SAMSN1: variants seen among roughly 807,000 people sequenced by gnomAD.
SAMSN1 encodes SAM domain-containing protein SAMSN-1.
SAMSN1 carries 31 observed loss-of-function variants against 42.0 expected under a neutral mutation model. The ratio of observed to expected loss-of-function variants is 0.74; its 90% CI spans 0.55 to 1.00. The LOEUF (loss-of-function observed/expected upper bound fraction) is 1.00. Ranked by LOEUF, SAMSN1 falls within the 50% of genes least tolerant of loss-of-function variation. The pLI, the probability that SAMSN1 is intolerant of heterozygous loss-of-function variation, is 0.00. For synonymous variants in SAMSN1, 178 were observed against 151.9 expected (o/e 1.17, Z -1.26); for missense variants, 464 against 439.4 (o/e 1.06, Z -0.50).
chr21:14,530,081 C>A (rs1979145773), intron 1 of SAMSN1, among the ~76,000 whole-genome samples: 1 of 152,084 alleles, frequency 6.6e-6, no homozygotes, highest in South Asian at 2.1e-4. Flanking sequence ...CTTTGGGAGG[C>A]CAAGGCAGGC....
exon 2 of SAMSN1, chr21:14,582,451 T>A (rs1981770540): frequency 6.8e-7 from 1 of 1,481,024 alleles, no homozygotes; most frequent in Non-Finnish European, 9.2e-7. Flanking sequence ...GGGACTTGGT[T>A]AATTTCAAAC....
chr21:14,593,233 T>C (rs1982145047), intron 7 of SAMSN1, among the ~76,000 whole-genome samples: 1 of 152,166 alleles, frequency 6.6e-6, no homozygotes, highest in South Asian at 2.1e-4. Context: ...AAACATGATT[T>C]ACTAAGAGTA....
rs199621768 is a variant in SAMSN1, at chr21:14,521,215, T to C, written c.64A>G (p.Ser22Gly). 2.5e-6 allele frequency: 4 copies of C among 1,609,632 alleles called. No individual in the cohort carries two copies. In the African/African-American group the frequency reaches 5.3e-5, roughly 21 times the overall value. The change falls in exon 2 of 8, where the codon AGC (serine) becomes GGC (glycine). Residue 22 changes from serine to glycine, a missense_variant. Coordinates refer to ENST00000400566, the MANE Select transcript of SAMSN1 (RefSeq NM_022136.5). ...AAACGATCGAAATTCCCAAAACTGC[T>C]GCTTCGCTATAAAATAGAAAAGAAA... ...KEKHQKPKRS[S>G]SFGNFDRFRN... is the part of the protein sequence containing the mutation.
chr21:14,629,709 T>C (rs1983276884), intron 2 of SAMSN1, among the ~76,000 whole-genome samples: 1 of 152,132 alleles, frequency 6.6e-6, no homozygotes, highest in Non-Finnish European at 1.5e-5. Flanking sequence ...AGAGGGCTGG[T>C]AAATTGCACG....
Position 14,639,861 on chromosome 21 carries a change from C to T in SAMSN1, c.156+3141G>A, listed in dbSNP as rs1234055895. 3.9e-5 allele frequency among the ~76,000 whole-genome samples: 6 copies of T among 152,024 alleles called. No individual in the cohort carries two copies. The East Asian group carries it at 1.2e-3, about 29-fold the overall frequency. ...TCCTAATATACTGCAAGTGGATCAC[C>T]TATTATTTCTCTTTTAAACATTTAA... is the stretch of plus-strand genomic sequence containing the variant. On this transcript the variant is annotated intron_variant, in intron 2 of 15. Coordinates refer to the SAMSN1 transcript ENST00000647101.
intron 1 of SAMSN1, chr21:14,523,466 A>G (rs575619136): frequency 6.6e-6 from 1 of 152,294 alleles, no homozygotes; most frequent in South Asian, 2.1e-4. Context: ...CTTCTTATGT[A>G]GTACTTACTA....
chr21:14,536,334 T>C (rs1230326086), intron 1 of SAMSN1, among the ~76,000 whole-genome samples: 1 of 152,246 alleles, frequency 6.6e-6, no homozygotes, highest in African/African-American at 2.4e-5. Context: ...AATTGATTTT[T>C]AACAAATCCA....
chr21:14,645,424 C>T (rs1983694909), intron 1 of SAMSN1, among the ~76,000 whole-genome samples: 1 of 152,254 alleles, frequency 6.6e-6, no homozygotes, highest in African/African-American at 2.4e-5. Context: ...CAATGAGGTA[C>T]TTTGAGTCTG....
chr21:14,503,804 G>A (rs1273093410), intron 5 of SAMSN1, among the ~76,000 whole-genome samples: 1 of 152,070 alleles, frequency 6.6e-6, no homozygotes, highest in African/African-American at 2.4e-5. Flanking sequence ...AAATAAATTA[G>A]GAAACCTGGG....
upstream of SAMSN1, among the ~76,000 whole-genome samples, chr21:14,584,154 T>C (rs925705467): frequency 6.6e-6 from 1 of 152,212 alleles, no homozygotes; most frequent in African/African-American, 2.4e-5. Flanking sequence ...TATTTGCTAG[T>C]ATTGGAATAG....
chr21:14,545,924 C>G (rs910993374), intron 1 of SAMSN1, among the ~76,000 whole-genome samples: 3 of 152,158 alleles, frequency 2.0e-5, no homozygotes, highest in Admixed American at 2.0e-4. Flanking sequence ...TCAGAGACCA[C>G]TAAATTGATT....
intron 5 of SAMSN1, among the ~76,000 whole-genome samples, chr21:14,506,101 A>T (rs1450954629): frequency 6.6e-6 from 1 of 150,640 alleles, no homozygotes; most frequent in East Asian, 1.9e-4. Flanking sequence ...GCATAGCCCT[A>T]AACACCTACA....
At chr21:14,571,626 A>G (rs1981304744) in intron 2 of SAMSN1, among the ~76,000 whole-genome samples, 2 of 152,212 alleles carry the variant, frequency 1.3e-5, no homozygotes, top group South Asian at 4.1e-4. Flanking sequence ...TTTGAAATAA[A>G]ATATCATGAA....
chr21:14,611,437 T>C (rs1485160126), intron 4 of SAMSN1, among the ~76,000 whole-genome samples: 4 of 152,368 alleles, frequency 2.6e-5, no homozygotes, highest in East Asian at 3.9e-4. Flanking sequence ...ATGCAACCTA[T>C]GCATAGCATG....
At chr21:14,562,180 CAGTT>C (rs1241956966) in intron 2 of SAMSN1, among the ~76,000 whole-genome samples, 1 of 152,196 alleles carries the variant, frequency 6.6e-6, no homozygotes, top group Admixed American at 6.5e-5. Context: ...GAGAGGGACA[CAGTT>C]AGATATGTGG....
At chr21:14,529,841 G>A (rs1355766880) in intron 1 of SAMSN1, among the ~76,000 whole-genome samples, 2 of 152,038 alleles carry the variant, frequency 1.3e-5, no homozygotes, top group Non-Finnish European at 2.9e-5. Flanking sequence ...TACCTGAAAG[G>A]CATTTTATGT....
At chr21:14,577,883 C>A (rs1246719555) in intron 2 of SAMSN1, among the ~76,000 whole-genome samples, 1 of 152,146 alleles carries the variant, frequency 6.6e-6, no homozygotes, top group South Asian at 2.1e-4. Context: ...TCCATAATCA[C>A]AAATATTTCT....
intron 2 of SAMSN1, among the ~76,000 whole-genome samples, chr21:14,518,526 CT>C (rs1988021011): frequency 1.3e-5 from 2 of 152,110 alleles, no homozygotes. Flanking sequence ...TGAAGGACAT[CT>C]AGTTTAACAC....
chr21:14,575,805 G>T (rs992169010), intron 2 of SAMSN1, among the ~76,000 whole-genome samples: 7 of 152,116 alleles, frequency 4.6e-5, no homozygotes, highest in Non-Finnish European at 1.0e-4. Context: ...TCCGTGAATT[G>T]TTTTTCCTTT....
Sources: allele counts gnomAD v4.1 joint callset (sites outside exome capture counted in the v4.1 genomes callset), GRCh38; gene constraint gnomAD v4.1.1; transcripts MANE v1.5; gene names NCBI Gene and HGNC (gene_info 2026-07-23, HGNC 2026-07-21).